The following FGFR2 variants were observed in gnomAD, a reference collection of about 807,000 sequenced individuals.
FGFR2 encodes BEK fibroblast growth factor receptor.
In FGFR2, 19 loss-of-function variants were observed where a neutral mutation model predicts 95.9. That is an observed-to-expected ratio of 0.20 (90% CI 0.14 to 0.29). The LOEUF is 0.29. Among genes scored for constraint, FGFR2 ranks in the 10% least tolerant of loss-of-function variants. FGFR2 has a pLI of 1.00. For missense variants in FGFR2, 707 were observed against 1,056.9 expected, an observed-to-expected ratio of 0.67 and a Z score of 4.59; for synonymous variants, 392 against 393.3, an observed-to-expected ratio of 1.00 and a Z score of 0.04.
Position 121,565,659 on chromosome 10 carries a change from G to A in FGFR2, c.155C>T (p.Ala52Val). The A allele has an allele frequency of 6.2e-7, 1 of 1,614,232 alleles. No homozygotes were observed. Among genetic ancestry groups the A allele is most frequent in the South Asian group, 1.1e-5 (1 of 91,084 alleles). Reference protein sequence around the residue: ...YQISQPEVYVAAPGESLEVRC... With the variant: ...YQISQPEVYVVAPGESLEVRC... ...CACCTCTAGCGACTCCCCTGGCGCA[G>A]CCACGTACACTTCTGGTTGAGAGAT... The change falls in exon 3 of 18, where the codon GCT becomes GTT. Residue 52 changes from alanine (A) to valine (V), a missense_variant. Around this residue, in one of 7 missense-constraint regions of FGFR2, gnomAD observed 178 missense variants for 194.1 expected, o/e 0.92. Transcript: ENST00000358487.
chr10:121,573,192 C>G (rs1046365183), intron 2 of FGFR2, among the ~76,000 whole-genome samples: 1 of 152,194 alleles, frequency 6.6e-6, no homozygotes, highest in Non-Finnish European at 1.5e-5. Flanking sequence ...CAAATGCAAA[C>G]AGAGAACAGA....
intron 9 of FGFR2, among the ~76,000 whole-genome samples, chr10:121,504,995 G>A (rs1848092477): frequency 6.6e-6 from 1 of 152,306 alleles, no homozygotes; most frequent in South Asian, 2.1e-4. Context: ...CCATCTCCAA[G>A]CAGGCAACTA....
chr10:121,565,649 C>T lies in FGFR2; in HGVS notation c.165G>A (p.Gly55=). ...SQPEVYVAAP[G]ESLEVRCLLK... The stretch of plus-strand genomic sequence containing the variant: ...ACAGGCAGCGCACCTCTAGCGACTC[C>T]CCTGGCGCAGCCACGTACACTTCTG... The change falls in exon 3 of 18, where the codon GGG becomes GGA. Residue 55 remains glycine, a synonymous_variant. Coordinates refer to ENST00000358487, the MANE Select transcript of FGFR2 (RefSeq NM_000141.5). 6.2e-7 allele frequency: 1 copy of T among 1,614,194 alleles called. No homozygotes were observed. Among genetic ancestry groups the T allele is most frequent in the Non-Finnish European group, 8.5e-7 (1 of 1,180,030 alleles).
Position 121,565,899 on chromosome 10 carries a change from C to G in FGFR2, c.110-195G>C, listed in dbSNP as rs529146683. 668 of 642,772 alleles carry G rather than the reference C, an allele frequency of 1.0e-3. 2 individuals carry two copies. The highest frequency in any genetic ancestry group is 2.0e-4 in the Non-Finnish European group (74 of 366,150). The allele number at this position is 642,772 out of a possible 1,614,324, so 39.8% of individuals were successfully genotyped here. ...TATCTGGAAGAGCAACCAGAGGATA[C>G]CCCCAGAAAATCTGTCCTGACTTAG... On this transcript the variant is annotated intron_variant, in intron 2 of 17. Transcript: ENST00000358487.
At position 121,517,947 on chromosome 10, in the gene FGFR2, T is replaced by A. The variant is rs781781472; in HGVS notation, c.940-484A>T. ...CTGGCCCTGTGGGAACCAATTGGGGTGGAAGGTTGTCTTGGTTACCAGGCT... is the reference window on the plus strand; with the variant it reads ...CTGGCCCTGTGGGAACCAATTGGGGAGGAAGGTTGTCTTGGTTACCAGGCT... On this transcript the variant is annotated intron_variant, in intron 7 of 17. Coordinates refer to ENST00000358487, the MANE Select transcript of FGFR2 (RefSeq NM_000141.5). The surrounding 1 kb of genome is among the most constrained non-coding windows in gnomAD (Gnocchi z 4.7). The A allele has an allele frequency of 1.3e-5, 5 of 382,922 alleles. No individual in the cohort carries two copies. Among genetic ancestry groups the A allele is most frequent in the Non-Finnish European group, 2.5e-5 (5 of 198,176 alleles). The allele number at this position is 382,922 out of a possible 1,614,324, so 23.7% of individuals were successfully genotyped here. A position where few individuals can be genotyped will look rare whatever the true frequency, so the allele number is the denominator to read the frequency against.
At chr10:121,488,540 C>CAAAAAAAAAAAAAA in intron 13 of FGFR2, among the ~76,000 whole-genome samples, 1 of 103,092 alleles carries the variant, frequency 9.7e-6, no homozygotes, top group Non-Finnish European at 2.0e-5. Flanking sequence ...GACTCTGTCT[C>CAAAAAAAAAAAAAA]AAAAAAAAAA....
At chr10:121,481,128 C>T (rs1192010133) in intron 17 of FGFR2, among the ~76,000 whole-genome samples, 1 of 151,868 alleles carries the variant, frequency 6.6e-6, no homozygotes, top group Non-Finnish European at 1.5e-5. Context: ...AAAATATTTA[C>T]TCCCTGGCCC....
At chr10:121,591,342 G>GC (rs1862616677) in intron 2 of FGFR2, among the ~76,000 whole-genome samples, 1 of 152,230 alleles carries the variant, frequency 6.6e-6, no homozygotes, top group Admixed American at 6.5e-5. Flanking sequence ...ACCTGGCACA[G>GC]CCAGCCCACG....
intron 5 of FGFR2, among the ~76,000 whole-genome samples, chr10:121,542,522 G>A (rs1272397296): frequency 6.6e-6 from 1 of 152,142 alleles, no homozygotes; most frequent in East Asian, 1.9e-4. Flanking sequence ...ACACAAGCAC[G>A]ACTCTTTTTC....
At chr10:121,568,562 A>C (rs1280414155) in intron 2 of FGFR2, among the ~76,000 whole-genome samples, 1 of 152,028 alleles carries the variant, frequency 6.6e-6, no homozygotes, top group African/African-American at 2.4e-5. Flanking sequence ...CCTGACCCTC[A>C]GATAAGGTGC....
intron 13 of FGFR2, among the ~76,000 whole-genome samples, chr10:121,494,944 C>T (rs1846582656): frequency 6.6e-6 from 1 of 152,176 alleles, no homozygotes; most frequent in Non-Finnish European, 1.5e-5. Flanking sequence ...GAACTGGCCA[C>T]CCTCCCCGAC....
chr10:121,563,885 G>A (rs1048409443), intron 4 of FGFR2, among the ~76,000 whole-genome samples: 4 of 152,134 alleles, frequency 2.6e-5, no homozygotes, highest in African/African-American at 7.2e-5. Context: ...TTTCAATCGT[G>A]GTCTACAAAG....
intron 17 of FGFR2, 43 bp from the exon 18 acceptor site, chr10:121,480,064 G>A (rs1844471270): frequency 6.4e-7 from 1 of 1,557,826 alleles, no homozygotes; most frequent in Non-Finnish European, 8.9e-7. Context: ...TCTTGGGTCA[G>A]GATAACAAGG....
intron 6 of FGFR2, among the ~76,000 whole-genome samples, chr10:121,525,218 G>C (rs1244417214): frequency 6.6e-6 from 1 of 152,180 alleles, no homozygotes; most frequent in Non-Finnish European, 1.5e-5. Flanking sequence ...CAAATGCACA[G>C]TGCATGGACC....
At position 121,570,923 on chromosome 10, in the gene FGFR2, C is replaced by T. The variant is rs117059665; in HGVS notation, c.110-5219G>A. On this transcript the variant is annotated intron_variant, in intron 2 of 17. Coordinates refer to ENST00000358487, the MANE Select transcript of FGFR2 (RefSeq NM_000141.5). ...GCTGCATAAAGCTCAGTTGCATCCA[C>T]GTGAATTTTCTCCCAGAAGTTTCAA... Among the ~76,000 whole-genome samples the T allele has an allele frequency of 2.1e-3, 317 of 152,308 alleles. 5 individuals carry two copies. The East Asian group carries it at 0.046, about 22-fold the overall frequency.
In FGFR2 at chr10:121,515,276, CAG is replaced by C; in HGVS notation, c.1126_1127del (p.Leu376GlyfsTer57). The C allele has an allele frequency of 6.2e-7, 1 of 1,614,134 alleles. No homozygotes were observed. The highest frequency in any genetic ancestry group is 8.5e-7 in the Non-Finnish European group (1 of 1,180,020). Reference sequence around the variant, plus strand: ...CCCCTATGCAGTAAATGGCTATCTCCAGGTAGTCTGGGGAAGCTGTAATCTCC... The same window carrying C: ...CCCCTATGCAGTAAATGGCTATCTCCGTAGTCTGGGGAAGCTGTAATCTCC... ...EKEITASPDY[L>X]EIAIYCIGVF... On this transcript the variant is annotated frameshift_variant, in exon 9 of 18. Transcript: ENST00000358487. LOFTEE classifies it high-confidence loss of function.
intron 4 of FGFR2, among the ~76,000 whole-genome samples, chr10:121,561,977 A>C (rs1351512194): frequency 1.3e-5 from 2 of 152,248 alleles, no homozygotes; most frequent in African/African-American, 4.8e-5. Context: ...AATTTAAATT[A>C]AAACAACAAA....
At chr10:121,591,539 A>C (rs1201883216) in intron 2 of FGFR2, among the ~76,000 whole-genome samples, 1 of 152,242 alleles carries the variant, frequency 6.6e-6, no homozygotes, top group East Asian at 1.9e-4. Flanking sequence ...AATGACTATT[A>C]ATGAAGAGAC....
At chr10:121,530,859 A>G (rs1375429793) in intron 6 of FGFR2, among the ~76,000 whole-genome samples, 1 of 152,222 alleles carries the variant, frequency 6.6e-6, no homozygotes. Flanking sequence ...TACTGCCATC[A>G]CTAAATTGAC....
Sources: allele counts gnomAD v4.1 joint callset (sites outside exome capture counted in the v4.1 genomes callset), GRCh38; gene constraint gnomAD v4.1.1; regional missense constraint gnomAD v4.1.1; non-coding constraint Gnocchi (gnomAD v3.1); transcripts MANE v1.5; gene names NCBI Gene and HGNC (gene_info 2026-07-23, HGNC 2026-07-21).